NFATC3: variants seen among roughly 807,000 people sequenced by gnomAD.
The protein encoded by NFATC3 is nuclear factor of activated T-cells, cytoplasmic 3.
NFATC3 carries 46 observed loss-of-function variants against 98.6 expected under a neutral mutation model. The ratio of observed to expected loss-of-function variants is 0.47; its 90% confidence interval spans 0.37 to 0.60. NFATC3 has a LOEUF of 0.60. NFATC3 is among the 20% of genes least tolerant of loss of function. The probability of loss-of-function intolerance (pLI) is 0.00; values close to 1 mark genes in which losing one functional copy is unlikely to be tolerated. For missense variants in NFATC3, 1,256 were observed against 1,295.5 expected, an observed-to-expected ratio of 0.97 and a Z score of 0.47; for synonymous variants, 512 against 472.2, an observed-to-expected ratio of 1.08 and a Z score of -1.09.
At chr16:68,188,392 G>A (rs2040303186) in intron 8 of NFATC3, among the ~76,000 whole-genome samples, 1 of 152,162 alleles carries the variant, frequency 6.6e-6, no homozygotes, top group Admixed American at 6.5e-5. Flanking sequence ...CAGCTGGGTG[G>A]CCACAACTGC....
intron 9 of NFATC3, among the ~76,000 whole-genome samples, chr16:68,211,923 G>A (rs1252524020): frequency 1.3e-5 from 2 of 152,214 alleles, no homozygotes; most frequent in African/African-American, 4.8e-5. Context: ...AAGGATTTCT[G>A]GAGCACTGCA....
intron 3 of NFATC3, among the ~76,000 whole-genome samples, chr16:68,150,412 TAA>T (rs60606928): frequency 1.5e-4 from 12 of 81,070 alleles, no homozygotes; most frequent in Admixed American, 3.0e-4. Flanking sequence ...CTTCTATATC[TAA>T]AAAAAAAAAA....
intron 8 of NFATC3, among the ~76,000 whole-genome samples, chr16:68,183,785 C>G (rs377449458): frequency 6.6e-6 from 1 of 151,944 alleles, no homozygotes; most frequent in Non-Finnish European, 1.5e-5. Context: ...GGGAGGATCA[C>G]CTGAGGTTGG....
intron 1 of NFATC3, chr16:68,086,026 C>CGATCGGGGTTT: frequency 2.4e-6 from 1 of 411,120 alleles, no homozygotes; most frequent in East Asian, 4.1e-5. Context: ...GACTCCGGGA[C>CGATCGGGGTTT]GATCGGGGTT....
chr16:68,127,276 A>G (rs2036886644), intron 3 of NFATC3, among the ~76,000 whole-genome samples: 1 of 152,108 alleles, frequency 6.6e-6, no homozygotes, highest in African/African-American at 2.4e-5. Context: ...AATTACCCAA[A>G]ATCTAACCCT....
chr16:68,188,571 A>G (rs1380036484), intron 8 of NFATC3, among the ~76,000 whole-genome samples: 1 of 152,136 alleles, frequency 6.6e-6, no homozygotes, highest in Non-Finnish European at 1.5e-5. Context: ...TGCCATCAAT[A>G]GTTGCTTGTT....
intron 9 of NFATC3, among the ~76,000 whole-genome samples, chr16:68,203,118 A>G (rs551275056): frequency 2.0e-5 from 3 of 152,320 alleles, no homozygotes; most frequent in African/African-American, 7.2e-5. Flanking sequence ...GAGATGGACC[A>G]TGATGGGGAT....
chr16:68,199,390 A>G (rs986347925), intron 9 of NFATC3, among the ~76,000 whole-genome samples: 51 of 147,500 alleles, frequency 3.5e-4, no homozygotes, highest in Non-Finnish European at 5.4e-4. Flanking sequence ...CGCCCGGCTA[A>G]TTTTTTGTAT....
chr16:68,182,616 G>A (rs980158006), intron 7 of NFATC3, among the ~76,000 whole-genome samples: 18 of 151,734 alleles, frequency 1.2e-4, no homozygotes, highest in Non-Finnish European at 2.1e-4. Context: ...TGCCTCCCGG[G>A]TTCAAGCGAT....
At chr16:68,164,452 C>A (rs2039091351) in intron 4 of NFATC3, among the ~76,000 whole-genome samples, 1 of 152,184 alleles carries the variant, frequency 6.6e-6, no homozygotes, top group South Asian at 2.1e-4. Context: ...TTTTCTAAGA[C>A]CATTACACTA....
chr16:68,105,429 A>G (rs1413789974), intron 1 of NFATC3, among the ~76,000 whole-genome samples: 1 of 152,092 alleles, frequency 6.6e-6, no homozygotes, highest in African/African-American at 2.4e-5. Flanking sequence ...ATGGTATATT[A>G]TATCAGTTGA....
chr16:68,118,281 C>A (rs2151494453), intron 1 of NFATC3, among the ~76,000 whole-genome samples: 1 of 152,286 alleles, frequency 6.6e-6, no homozygotes, highest in East Asian at 1.9e-4. Context: ...CTCTCTTCTA[C>A]CACTTAGTAG....
intron 9 of NFATC3, among the ~76,000 whole-genome samples, chr16:68,214,822 A>G (rs1199969298): frequency 6.6e-6 from 1 of 152,112 alleles, no homozygotes; most frequent in Non-Finnish European, 1.5e-5. Context: ...AAATCAGGAA[A>G]TTTTGTCCGT....
At chr16:68,106,801 T>C (rs1021836501) in intron 1 of NFATC3, among the ~76,000 whole-genome samples, 1 of 151,794 alleles carries the variant, frequency 6.6e-6, no homozygotes, top group Non-Finnish European at 1.5e-5. Flanking sequence ...GATATGGAAG[T>C]TTGTTACATA....
chr16:68,193,154 G>A (rs2040517383), intron 9 of NFATC3, among the ~76,000 whole-genome samples: 1 of 151,666 alleles, frequency 6.6e-6, no homozygotes, highest in African/African-American at 2.4e-5. Context: ...CATTTACATT[G>A]TATTTGGTAT....
chr16:68,106,747 T>G lies in NFATC3; in HGVS notation c.104-15240T>G, dbSNP rs574508938. 7.2e-5 allele frequency among the ~76,000 whole-genome samples: 11 copies of G among 152,058 alleles called. No individual in the cohort carries two copies. In the East Asian group the frequency reaches 2.1e-3, roughly 29 times the overall value. ...GGACGCCTTTTTTTTTTGTTGTTTT[T>G]TTTTTAATTTAATTTAATTTTAAGT... On this transcript the variant is annotated intron_variant, in intron 1 of 9. Coordinates refer to ENST00000346183, the MANE Select transcript of NFATC3 (RefSeq NM_173165.3).
intron 3 of NFATC3, among the ~76,000 whole-genome samples, chr16:68,132,547 G>A (rs2037171073): frequency 6.6e-6 from 1 of 152,180 alleles, no homozygotes; most frequent in South Asian, 2.1e-4. Context: ...CCACTGTTGG[G>A]AATTCATCCA....
In NFATC3 at chr16:68,227,567, T is replaced by A. The variant is rs1229618524; in HGVS notation, c.*1096T>A. ...GAGTCACACTGGCATGGAAGGCTTA[T>A]CTGCCATTCTATTTATAGCCTGAAA... is the stretch of plus-strand genomic sequence containing the variant. On this transcript the variant is annotated 3_prime_UTR_variant, in exon 10 of 10. Coordinates refer to ENST00000346183, the MANE Select transcript of NFATC3 (RefSeq NM_173165.3). The A allele has an allele frequency of 1.3e-5, 2 of 152,370 alleles. No individual in the cohort carries two copies. Among genetic ancestry groups the A allele is most frequent in the South Asian group, 4.1e-4 (2 of 4,826 alleles). 9.4% of individuals were successfully genotyped at this position (152,370 alleles called of 1,614,324 possible).
intron 1 of NFATC3, among the ~76,000 whole-genome samples, chr16:68,110,324 T>C (rs1358613059): frequency 6.6e-6 from 1 of 151,056 alleles, no homozygotes; most frequent in African/African-American, 2.4e-5. Context: ...TTTTTTTTTT[T>C]TCGAGACGAA....
Sources: allele counts gnomAD v4.1 joint callset (sites outside exome capture counted in the v4.1 genomes callset), GRCh38; gene constraint gnomAD v4.1.1; transcripts MANE v1.5; gene names NCBI Gene and HGNC (gene_info 2026-07-23, HGNC 2026-07-21).